AGO1: variants seen among roughly 807,000 people sequenced by gnomAD.
The protein encoded by AGO1 is protein argonaute-1.
In AGO1, 11 loss-of-function variants were observed where a neutral mutation model predicts 109.2. That is an observed-to-expected ratio of 0.10 (90% confidence interval 0.06 to 0.17). The LOEUF (loss-of-function observed/expected upper bound fraction) is 0.17. AGO1 is among the 10% of genes least tolerant of loss of function. The probability of loss-of-function intolerance (pLI) is 1.00; values close to 1 mark genes in which losing one functional copy is unlikely to be tolerated. For missense variants in AGO1, 574 were observed against 1,140.3 expected, an observed-to-expected ratio of 0.50 and a Z score of 7.15; for synonymous variants, 422 against 418.6, an observed-to-expected ratio of 1.01 and a Z score of -0.10.
intron 1 of AGO1, among the ~76,000 whole-genome samples, chr1:35,876,925 C>T (rs1644997313): frequency 6.6e-6 from 1 of 152,164 alleles, no homozygotes; most frequent in South Asian, 2.1e-4. Context: ...GTAGTTGGGA[C>T]TGCAGGCATG....
At position 35,918,339 on chromosome 1, in the gene AGO1, C is replaced by T. The variant is rs759990630; in HGVS notation, c.2181C>T (p.Asn727=). ...DKNERIGKSG[N]IPAGTTVDTN... ...CTATACAGATTGGGAAGAGTGGTAA[C>T]ATCCCAGCTGGGACCACAGTGGACA... Residue 727 remains asparagine, a synonymous_variant, in exon 17 of 19, where the codon AAC becomes AAT. Coordinates refer to ENST00000373204, the MANE Select transcript of AGO1 (RefSeq NM_012199.5). 6 of 1,613,910 alleles carry T rather than the reference C, an allele frequency of 3.7e-6. No individual in the cohort carries two copies. The highest frequency in any genetic ancestry group is 1.3e-5 in the African/African-American group (1 of 74,904).
At chr1:35,902,409 A>G in intron 11 of AGO1, 72 bp downstream of exon 11, 8 of 1,570,216 alleles carry the variant, frequency 5.1e-6, no homozygotes, top group East Asian at 2.2e-5. Context: ...TGTAGTCCAC[A>G]GGGGCTGATA....
chr1:35,929,192 T>TA lies in AGO1; in HGVS notation c.*9586dup, dbSNP rs1372959969. ...TACATGTAGTCAGGAGAGAGCCTCA[T>TA]ACAGCTTTGCCTTTGGCAGAATCCT... On this transcript the variant is annotated 3_prime_UTR_variant, in exon 19 of 19. Transcript: ENST00000373204. 6.6e-6 allele frequency: 1 copy of TA among 152,286 alleles called. No homozygotes were observed. The highest frequency in any genetic ancestry group is 2.4e-5 in the African/African-American group (1 of 41,480). 9.4% of individuals were successfully genotyped at this position (152,286 alleles called of 1,614,324 possible).
At chr1:35,896,657 C>G (rs1645325794) in intron 8 of AGO1, among the ~76,000 whole-genome samples, 1 of 152,196 alleles carries the variant, frequency 6.6e-6, no homozygotes, top group Admixed American at 6.5e-5. Flanking sequence ...CACGCCTGGC[C>G]TACCCTCTTA....
At chr1:35,907,154 G>T (rs372945822) in intron 12 of AGO1, 35 bp downstream of exon 12, 405 of 1,576,796 alleles carry the variant, frequency 2.6e-4, no homozygotes, top group Non-Finnish European at 3.4e-4. Context: ...AATGGTGATA[G>T]GACTCTTCTC....
intron 15 of AGO1, 30 bp from the exon 16 acceptor site, chr1:35,917,563 T>C: frequency 6.2e-7 from 1 of 1,600,632 alleles, no homozygotes; most frequent in Non-Finnish European, 8.5e-7. Context: ...GTGTATTTCT[T>C]TGTTTCCCTC....
intron 15 of AGO1, among the ~76,000 whole-genome samples, chr1:35,915,755 A>G (rs1020251589): frequency 2.0e-5 from 3 of 152,212 alleles, no homozygotes; most frequent in African/African-American, 7.2e-5. Flanking sequence ...CTCACTGCCT[A>G]TTTAAGTAGT....
At chr1:35,915,292 A>T in intron 14 of AGO1, 56 bp from the exon 15 acceptor site, 1 of 1,532,928 alleles carries the variant, frequency 6.5e-7, no homozygotes, top group South Asian at 1.1e-5. Flanking sequence ...ACAAACCCAT[A>T]GCCTGACAGT....
At chr1:35,872,488 A>T (rs983205108) in intron 1 of AGO1, among the ~76,000 whole-genome samples, 10 of 151,342 alleles carry the variant, frequency 6.6e-5, no homozygotes, top group Non-Finnish European at 1.3e-4. Context: ...GCCTGGCCCG[A>T]CTCAATTTCT....
intron 12 of AGO1, among the ~76,000 whole-genome samples, chr1:35,911,832 C>T (rs1341829512): frequency 6.6e-6 from 1 of 152,040 alleles, no homozygotes; most frequent in Non-Finnish European, 1.5e-5. Flanking sequence ...CCTGATTTTA[C>T]CTCATCTCTT....
chr1:35,875,364 A>G (rs1644984619), intron 1 of AGO1, among the ~76,000 whole-genome samples: 1 of 152,096 alleles, frequency 6.6e-6, no homozygotes, highest in Admixed American at 6.5e-5. Context: ...GTGGAACAAC[A>G]AAGCCTGGAT....
chr1:35,872,057 G>A (rs1291923824), intron 1 of AGO1, among the ~76,000 whole-genome samples: 3 of 142,520 alleles, frequency 2.1e-5, no homozygotes, highest in Admixed American at 6.9e-5. Flanking sequence ...GCGACAGAGC[G>A]AGACTCCATC....
chr1:35,908,503 T>C (rs1645568750), intron 12 of AGO1, among the ~76,000 whole-genome samples: 1 of 152,328 alleles, frequency 6.6e-6, no homozygotes, highest in Non-Finnish European at 1.5e-5. Flanking sequence ...TCTCCCTCTC[T>C]TCAAGAGTTT....
In AGO1 at chr1:35,894,189, G is replaced by A. The variant is rs1482337904; in HGVS notation, c.784+18G>A. On this transcript the variant is annotated intron_variant, in intron 6 of 18. Coordinates refer to ENST00000373204, the MANE Select transcript of AGO1 (RefSeq NM_012199.5). Reference sequence around the variant, plus strand: ...GATCAAGGGTGAGGACCCAACAGGAGGGGAAGGGAAACAGCGCCACTTTAG... The same window carrying A: ...GATCAAGGGTGAGGACCCAACAGGAAGGGAAGGGAAACAGCGCCACTTTAG... 6.4e-7 allele frequency: 1 copy of A among 1,568,612 alleles called. No homozygotes were observed. Among genetic ancestry groups the A allele is most frequent in the Non-Finnish European group, 8.7e-7 (1 of 1,155,532 alleles).
Position 35,922,289 on chromosome 1 carries a change from C to CT in AGO1, c.*2683dup, listed in dbSNP as rs1645846900. Reference sequence around the variant, plus strand: ...CAATGACAAGAAATGAGTTCTTACTCTGATTTTTTTGTAAAAAGATAATTT... The same window carrying CT: ...CAATGACAAGAAATGAGTTCTTACTCTTGATTTTTTTGTAAAAAGATAATTT... On this transcript the variant is annotated 3_prime_UTR_variant, in exon 19 of 19. Transcript: ENST00000373204. 6.6e-6 allele frequency: 1 copy of CT among 152,630 alleles called. No homozygotes were observed. The highest frequency in any genetic ancestry group is 1.5e-5 in the Non-Finnish European group (1 of 68,042). 9.5% of individuals were successfully genotyped at this position (152,630 alleles called of 1,614,324 possible). A position where few individuals can be genotyped will look rare whatever the true frequency, so the allele number is the denominator to read the frequency against.
Position 35,927,993 on chromosome 1 carries a change from C to T in AGO1, c.*8386C>T, listed in dbSNP as rs772665781. 6.6e-5 allele frequency: 10 copies of T among 152,210 alleles called. No individual in the cohort carries two copies. The highest frequency in any genetic ancestry group is 1.3e-4 in the Non-Finnish European group (9 of 68,048). The allele number at this position is 152,210 out of a possible 1,614,324, so 9.4% of individuals were successfully genotyped here. A position where few individuals can be genotyped will look rare whatever the true frequency, so the allele number is the denominator to read the frequency against. On this transcript the variant is annotated 3_prime_UTR_variant, in exon 19 of 19. Transcript: ENST00000373204. ...TTGGCCCATGTGAGAGGATTGTACT[C>T]AGTTGCTCTCCTCATCCAGTGATGT...
rs542039100 is a variant in AGO1, at chr1:35,925,343, T to C, written c.*5736T>C. Reference sequence around the variant, plus strand: ...AATGGCTAAAACTAGGACTTTCAAGTTCACCACAACTACCACCAATTAGGA... The same window carrying C: ...AATGGCTAAAACTAGGACTTTCAAGCTCACCACAACTACCACCAATTAGGA... On this transcript the variant is annotated 3_prime_UTR_variant, in exon 19 of 19. Transcript: ENST00000373204. 2.8e-4 allele frequency: 43 copies of C among 150,922 alleles called. No homozygotes were observed. The highest frequency in any genetic ancestry group is 9.3e-4 in the African/African-American group (38 of 40,986). The allele number at this position is 150,922 out of a possible 1,614,324, so 9.3% of individuals were successfully genotyped here.
chr1:35,872,042 C>G, intron 1 of AGO1, among the ~76,000 whole-genome samples: 1 of 147,974 alleles, frequency 6.8e-6, no homozygotes, highest in East Asian at 2.0e-4. Context: ...TGCACTCCAG[C>G]CTGGGCGACA....
At chr1:35,875,183 A>C (rs2148703393) in intron 1 of AGO1, among the ~76,000 whole-genome samples, 1 of 152,322 alleles carries the variant, frequency 6.6e-6, no homozygotes, top group African/African-American at 2.4e-5. Flanking sequence ...GAACTTTCAT[A>C]GCTAGAGAGA....
Sources: gnomAD v4.1 joint callset for allele counts (sites outside exome capture counted in the v4.1 genomes callset) on GRCh38, gnomAD v4.1.1 for gene constraint, MANE v1.5 for transcripts, NCBI Gene and HGNC (gene_info 2026-07-23, HGNC 2026-07-21) for gene names.